SLMAP: variants seen among roughly 807,000 people sequenced by gnomAD.
SLMAP encodes the protein sarcolemmal membrane-associated protein.
Under a neutral mutation model 128.8 loss-of-function variants are expected in SLMAP, and 44 were observed. The ratio of observed to expected loss-of-function variants is 0.34; its 90% CI spans 0.27 to 0.44. SLMAP has a LOEUF of 0.44. Ranked by LOEUF, SLMAP falls within the 20% of genes least tolerant of loss-of-function variation. The pLI, the probability that SLMAP is intolerant of heterozygous loss-of-function variation, is 1.00. For missense variants in SLMAP, 787 were observed against 985.3 expected, an observed-to-expected ratio of 0.80 and a Z score of 2.69; for synonymous variants, 327 against 348.8, an observed-to-expected ratio of 0.94 and a Z score of 0.70.
chr3:57,761,972 G>A (rs2078741097), intron 2 of SLMAP, among the ~76,000 whole-genome samples: 3 of 150,186 alleles, frequency 2.0e-5, no homozygotes. Flanking sequence ...GCGTGAACCC[G>A]GGAAGCGGAG....
intron 2 of SLMAP, among the ~76,000 whole-genome samples, chr3:57,796,256 C>T (rs560354371): frequency 3.9e-5 from 6 of 152,266 alleles, no homozygotes; most frequent in Middle Eastern, 3.4e-3. Context: ...AGTTTTCAAA[C>T]GGTAGAGTCT....
At chr3:57,786,461 C>T (rs556836699) in intron 2 of SLMAP, among the ~76,000 whole-genome samples, 1 of 151,898 alleles carries the variant, frequency 6.6e-6, no homozygotes, top group Non-Finnish European at 1.5e-5. Flanking sequence ...AATTAATACT[C>T]ATATAGGAGA....
intron 9 of SLMAP, among the ~76,000 whole-genome samples, 178 bp downstream of exon 9, chr3:57,861,017 G>A (rs1003080590): frequency 6.6e-6 from 1 of 152,124 alleles, no homozygotes; most frequent in African/African-American, 2.4e-5. Flanking sequence ...TGTGAGTTTT[G>A]GTACTTACTC....
chr3:57,843,758 C>CTTTCTTTCT (rs1437041510), intron 4 of SLMAP, among the ~76,000 whole-genome samples: 8 of 131,174 alleles, frequency 6.1e-5, no homozygotes, highest in Middle Eastern at 4.1e-3. Context: ...CTTTCTCTCT[C>CTTTCTTTCT]TTTCTTTCTT....
chr3:57,777,040 G>A (rs1027086768), intron 2 of SLMAP, among the ~76,000 whole-genome samples: 2 of 140,984 alleles, frequency 1.4e-5, no homozygotes, highest in Non-Finnish European at 3.0e-5. Flanking sequence ...AAAAATTATT[G>A]CCAACACAAT....
intron 2 of SLMAP, among the ~76,000 whole-genome samples, chr3:57,818,570 A>C (rs1383808223): frequency 6.6e-6 from 1 of 152,238 alleles, no homozygotes; most frequent in Non-Finnish European, 1.5e-5. Context: ...GCACATGGTA[A>C]GCACTCAAAA....
intron 17 of SLMAP, among the ~76,000 whole-genome samples, chr3:57,902,921 A>G (rs1412481467): frequency 6.6e-6 from 1 of 152,308 alleles, no homozygotes; most frequent in African/African-American, 2.4e-5. Context: ...CGGTCACCCT[A>G]GGAACTGGAG....
At chr3:57,809,014 C>T (rs1306845759) in intron 2 of SLMAP, among the ~76,000 whole-genome samples, 2 of 152,142 alleles carry the variant, frequency 1.3e-5, no homozygotes, top group African/African-American at 2.4e-5. Flanking sequence ...ACGTAATGCC[C>T]TTCTTTGTCA....
At chr3:57,912,085 T>G (rs2096715223) in intron 19 of SLMAP, among the ~76,000 whole-genome samples, 1 of 152,168 alleles carries the variant, frequency 6.6e-6, no homozygotes, top group Non-Finnish European at 1.5e-5. Context: ...ACACTGCATT[T>G]ATTGTGATCA....
intron 2 of SLMAP, among the ~76,000 whole-genome samples, chr3:57,795,672 A>C (rs1560016256): frequency 6.6e-6 from 1 of 152,158 alleles, no homozygotes. Flanking sequence ...ATTGTGGTAA[A>C]ATATGCATAA....
intron 7 of SLMAP, 85 bp downstream of exon 7, chr3:57,857,913 A>G (rs2094870237): frequency 9.7e-7 from 1 of 1,035,496 alleles, no homozygotes; most frequent in African/African-American, 1.6e-5. Context: ...TGTAGCAAAC[A>G]AAGACAAAGT....
intron 2 of SLMAP, among the ~76,000 whole-genome samples, chr3:57,797,205 C>T (rs965129004): frequency 1.5e-5 from 2 of 130,948 alleles, no homozygotes; most frequent in Admixed American, 1.6e-4. Flanking sequence ...AAAAAAAAAG[C>T]CAGGTGTGGT....
intron 19 of SLMAP, among the ~76,000 whole-genome samples, chr3:57,909,647 T>C (rs2096646870): frequency 1.3e-5 from 2 of 152,080 alleles, no homozygotes; most frequent in African/African-American, 4.8e-5. Context: ...AGTTTCGCTC[T>C]TGTTGCCCAG....
intron 2 of SLMAP, among the ~76,000 whole-genome samples, chr3:57,820,777 C>T (rs965852087): frequency 2.6e-4 from 40 of 152,186 alleles, no homozygotes; most frequent in African/African-American, 5.1e-4. Flanking sequence ...TGGTCCACTT[C>T]GTCCTCCATA....
At chr3:57,843,305 CTTTT>C in intron 4 of SLMAP, among the ~76,000 whole-genome samples, 166 of 92,120 alleles carry the variant, frequency 1.8e-3, no homozygotes, top group Middle Eastern at 9.6e-3. Context: ...CTTTCTTTTC[CTTTT>C]TTTTTTTTTT....
chr3:57,920,746 G>A (rs1382517613), intron 22 of SLMAP, among the ~76,000 whole-genome samples: 1 of 152,098 alleles, frequency 6.6e-6, no homozygotes, highest in African/African-American at 2.4e-5. Flanking sequence ...CGGGTGCGGT[G>A]GCTCACACCT....
chr3:57,769,403 C>T (rs1444231633), intron 2 of SLMAP, among the ~76,000 whole-genome samples: 1 of 152,064 alleles, frequency 6.6e-6, no homozygotes, highest in Admixed American at 6.6e-5. Flanking sequence ...CCGTGTTAGC[C>T]AGGATGGTCT....
rs35969510 is a variant in SLMAP at position 57,797,183 on chromosome 3, TA to T, written c.199-34180del. ...GGTGACAGAGTGAGATCCTGTATCT[TA>T]AAAAAAAAAAAAAAAAAAAGCCAGG... On this transcript the variant is annotated intron_variant, in intron 2 of 24. Transcript: ENST00000671191. Among the ~76,000 whole-genome samples the T allele has an allele frequency of 7.8e-3, 801 of 102,686 alleles. 7 individuals are homozygous for T. The highest frequency in any genetic ancestry group is 0.01 in the Non-Finnish European group (528 of 52,288). The allele number at this position is 102,686 out of a possible 152,430, so 67.4% of individuals were successfully genotyped here.
chr3:57,853,341 A>G (rs1028879682), intron 6 of SLMAP, among the ~76,000 whole-genome samples: 2 of 152,216 alleles, frequency 1.3e-5, no homozygotes, highest in African/African-American at 2.4e-5. Flanking sequence ...ACCTCTAAGT[A>G]GACAAAATTT....
Sources: gnomAD v4.1 joint callset for allele counts (sites outside exome capture counted in the v4.1 genomes callset) on GRCh38, gnomAD v4.1.1 for gene constraint, MANE v1.5 for transcripts, NCBI Gene and HGNC (gene_info 2026-07-23, HGNC 2026-07-21) for gene names.